The following EXOSC4 variants were observed in gnomAD, a reference collection of about 807,000 sequenced individuals.
EXOSC4 encodes the protein exosome component 4.
In EXOSC4, 14 loss-of-function variants were observed where a neutral mutation model predicts 20.0. That is an observed-to-expected ratio of 0.70 (90% CI 0.46 to 1.09). EXOSC4 has a LOEUF of 1.09. Among genes scored for constraint, EXOSC4 ranks in the 50% least tolerant of loss-of-function variants. EXOSC4 has a pLI of 0.00. For missense variants in EXOSC4, 337 were observed against 334.0 expected (o/e 1.01, Z -0.07); for synonymous variants, 148 against 146.4 (o/e 1.01, Z -0.08).
chr8:144,078,640 T>C, upstream of EXOSC4: 2 of 1,306,936 alleles, frequency 1.5e-6, no homozygotes, highest in East Asian at 3.1e-5. The surrounding 1 kb of genome is among the most constrained non-coding windows in gnomAD (Gnocchi z 4.7). Flanking sequence ...CCGGAAACCG[T>C]AGATTCCGGG....
intron 1 of EXOSC4, 124 bp downstream of exon 1, chr8:144,079,023 C>G: frequency 9.0e-7 from 1 of 1,115,266 alleles, no homozygotes. Context: ...AGCCGATGCT[C>G]AGCACCGCAT....
chr8:144,070,326 C>T, the EXOSC4 span, among the ~76,000 whole-genome samples: 1 of 151,980 alleles, frequency 6.6e-6, no homozygotes, highest in Non-Finnish European at 1.5e-5. Flanking sequence ...GAGTTCAAGA[C>T]CAGCCTGGTC....
the EXOSC4 span, among the ~76,000 whole-genome samples, chr8:144,070,247 T>TG: frequency 1.0e-3 from 156 of 152,052 alleles, no homozygotes; most frequent in Non-Finnish European, 1.9e-3. Flanking sequence ...GGGAGAAGCT[T>TG]GGGGGGCGTG....
At chr8:144,071,703 G>A in the EXOSC4 span, among the ~76,000 whole-genome samples, 22 of 152,040 alleles carry the variant, frequency 1.4e-4, no homozygotes, top group African/African-American at 5.3e-4. Context: ...TTGGTCAGGT[G>A]TGGTGGCTTA....
chr8:144,068,634 C>T, the EXOSC4 span, among the ~76,000 whole-genome samples: 1 of 152,342 alleles, frequency 6.6e-6, no homozygotes, highest in South Asian at 2.1e-4. Context: ...TACAGCAAAG[C>T]AAGAAGCATT....
Position 144,080,335 on chromosome 8 carries a change from T to C in EXOSC4, c.472T>C (p.Cys158Arg). The change falls in exon 3 of 3, where the codon TGT becomes CGT. Residue 158 changes from cysteine to arginine, a missense_variant. Cys to Arg is a radical substitution (Grantham distance 180). Coordinates refer to ENST00000316052, the MANE Select transcript of EXOSC4 (RefSeq NM_019037.3). The surrounding 1 kb of genome is among the most constrained non-coding windows in gnomAD (Gnocchi z 4.9). Reference protein sequence around the residue: ...DAGIPMRDFVCACSAGFVDGT... With the variant: ...DAGIPMRDFVRACSAGFVDGT... ...CGGGATACCCATGAGAGACTTTGTG[T>C]GTGCGTGCTCAGCTGGCTTCGTGGA... 6.2e-7 allele frequency: 1 copy of C among 1,613,628 alleles called. No individual in the cohort carries two copies. Among genetic ancestry groups the C allele is most frequent in the Non-Finnish European group, 8.5e-7 (1 of 1,180,026 alleles).
At chr8:144,071,899 G>A in the EXOSC4 span, among the ~76,000 whole-genome samples, 3 of 152,090 alleles carry the variant, frequency 2.0e-5, no homozygotes, top group Non-Finnish European at 4.4e-5. Context: ...AGGATTGCTT[G>A]AGCCCAGGAG....
Position 144,079,929 on chromosome 8 carries a change from C to A in EXOSC4, c.172-14C>A. On this transcript the variant is annotated splice_polypyrimidine_tract_variant and intron_variant, in intron 1 of 2. Coordinates refer to ENST00000316052, the MANE Select transcript of EXOSC4 (RefSeq NM_019037.3). Reference sequence around the variant, plus strand: ...GAAGGAGTGGGCCTGGCTCATGTGTCTGTCCTCTTCCAGATCCGGGGCTCC... The same window carrying A: ...GAAGGAGTGGGCCTGGCTCATGTGTATGTCCTCTTCCAGATCCGGGGCTCC... 1 of 1,613,486 alleles carries A rather than the reference C, an allele frequency of 6.2e-7. No individual in the cohort carries two copies. Among genetic ancestry groups the A allele is most frequent in the South Asian group, 1.1e-5 (1 of 91,030 alleles).
intron 1 of EXOSC4, chr8:144,079,503 C>T (rs1217435580): frequency 5.8e-6 from 2 of 345,810 alleles, no homozygotes; most frequent in Non-Finnish European, 1.1e-5. Flanking sequence ...TGAAAACAAG[C>T]AAGGCACTTA....
At chr8:144,070,829 GA>G in the EXOSC4 span, among the ~76,000 whole-genome samples, 135 of 146,556 alleles carry the variant, frequency 9.2e-4, no homozygotes, top group African/African-American at 2.0e-3. Context: ...ACTCCGTCTT[GA>G]AAAAAAAAAA....
upstream of EXOSC4, chr8:144,078,655 C>A: frequency 2.2e-6 from 3 of 1,335,718 alleles, no homozygotes; most frequent in East Asian, 6.3e-5. This position sits in a 1 kb window ranked among gnomAD's most constrained non-coding sequence, Gnocchi z 4.7. Flanking sequence ...TCCGGGCGGT[C>A]GGAGCCGCCG....
the EXOSC4 span, among the ~76,000 whole-genome samples, chr8:144,073,633 A>G: frequency 6.6e-6 from 1 of 152,030 alleles, no homozygotes; most frequent in African/African-American, 2.4e-5. Flanking sequence ...CAGGCAGATC[A>G]CTAGGTCAGG....
At chr8:144,073,413 C>T in the EXOSC4 span, among the ~76,000 whole-genome samples, 1 of 151,948 alleles carries the variant, frequency 6.6e-6, no homozygotes, top group Non-Finnish European at 1.5e-5. Flanking sequence ...ACCTCAGGCC[C>T]CTCCCACCTG....
At chr8:144,077,730 T>C (rs11990558), upstream of EXOSC4, among the ~76,000 whole-genome samples, 13,654 of 152,258 alleles carry the variant, frequency 0.09, 682 homozygotes, top group African/African-American at 0.13. Flanking sequence ...CATGCACATG[T>C]TGTCCACCTT....
Position 144,078,825 on chromosome 8 carries a change from G to T in EXOSC4, c.97G>T (p.Ala33Ser). 1 of 1,582,114 alleles carries T rather than the reference G, an allele frequency of 6.3e-7. No individual in the cohort carries two copies. Among genetic ancestry groups the T allele is most frequent in the Admixed American group, 1.8e-5 (1 of 56,440 alleles). Residue 33 changes from alanine (A) to serine (S), a missense_variant, in exon 1 of 3, where the codon GCG becomes TCG. Physicochemically the swap from Ala to Ser is moderately conservative, Grantham distance 99. Coordinates refer to ENST00000316052, the MANE Select transcript of EXOSC4 (RefSeq NM_019037.3). The surrounding 1 kb of genome is among the most constrained non-coding windows in gnomAD (Gnocchi z 4.7). ...RKIQARMGVF[A>S]QADGSAYIEQ... The stretch of plus-strand genomic sequence containing the variant: ...GATCCAGGCGCGGATGGGCGTGTTC[G>T]CGCAGGCTGACGGCTCGGCCTACAT...
the EXOSC4 span, among the ~76,000 whole-genome samples, chr8:144,065,597 C>T: frequency 2.5e-4 from 38 of 151,792 alleles, no homozygotes; most frequent in East Asian, 1.8e-3. Context: ...TAGCTGGCCG[C>T]GATGGCAGGC....
At chr8:144,078,645 T>A, upstream of EXOSC4, 1 of 1,323,950 alleles carries the variant, frequency 7.6e-7, no homozygotes, top group South Asian at 1.9e-5. This position sits in a 1 kb window ranked among gnomAD's most constrained non-coding sequence, Gnocchi z 4.7. Context: ...AACCGTAGAT[T>A]CCGGGCGGTC....
rs564176787 is a variant in EXOSC4 at position 144,079,248 on chromosome 8, T to G, written c.171+349T>G. 2.1e-3 allele frequency: 528 copies of G among 245,788 alleles called. 3 individuals are homozygous for G. The highest frequency in any genetic ancestry group is 0.011 in the African/African-American group (504 of 44,002). 15.2% of individuals were successfully genotyped at this position (245,788 alleles called of 1,614,324 possible). A position where few individuals can be genotyped will look rare whatever the true frequency, so the allele number is the denominator to read the frequency against. On this transcript the variant is annotated intron_variant, in intron 1 of 2. Transcript: ENST00000316052. Reference sequence around the variant, plus strand: ...TACTTCTCGCCCTACAATAAACCCTTTGTTTTGTGCACCTACAATCTCAAA... The same window carrying G: ...TACTTCTCGCCCTACAATAAACCCTGTGTTTTGTGCACCTACAATCTCAAA...
At chr8:144,078,652 G>T, upstream of EXOSC4, 1 of 1,332,162 alleles carries the variant, frequency 7.5e-7, no homozygotes, top group Non-Finnish European at 9.7e-7. This position sits in a 1 kb window ranked among gnomAD's most constrained non-coding sequence, Gnocchi z 4.7. Context: ...GATTCCGGGC[G>T]GTCGGAGCCG....
Sources: allele counts gnomAD v4.1 joint callset (sites outside exome capture counted in the v4.1 genomes callset), GRCh38; gene constraint gnomAD v4.1.1; non-coding constraint Gnocchi (gnomAD v3.1); transcripts MANE v1.5; gene names NCBI Gene and HGNC (gene_info 2026-07-23, HGNC 2026-07-21).